CHCHD6: variants seen among roughly 807,000 people sequenced by gnomAD.
CHCHD6 encodes the protein coiled-coil-helix-coiled-coil-helix domain containing 6, also known as MICOS complex subunit MIC25.
CHCHD6 carries 28 observed loss-of-function variants against 32.3 expected under a neutral mutation model. The observed-to-expected ratio is 0.87, with a 90% CI of 0.64 to 1.19. CHCHD6 has a LOEUF of 1.19. CHCHD6 is among the 50% of genes most tolerant of loss of function. The probability of loss-of-function intolerance (pLI) is 0.00; values close to 1 mark genes in which losing one functional copy is unlikely to be tolerated. For synonymous variants in CHCHD6, 122 were observed against 117.5 expected, an observed-to-expected ratio of 1.04 and a Z score of -0.25; for missense variants, 333 against 307.0, an observed-to-expected ratio of 1.08 and a Z score of -0.63.
At chr3:126,876,424 G>T (rs540492849) in intron 5 of CHCHD6, among the ~76,000 whole-genome samples, 1 of 152,226 alleles carries the variant, frequency 6.6e-6, no homozygotes, top group Non-Finnish European at 1.5e-5. Context: ...TGGGAATTGT[G>T]TGTGAGTTAA....
chr3:126,759,106 G>C (rs892618609), intron 4 of CHCHD6, among the ~76,000 whole-genome samples: 1 of 152,176 alleles, frequency 6.6e-6, no homozygotes, highest in African/African-American at 2.4e-5. Flanking sequence ...TCTACCAGCA[G>C]CTCTTATCTC....
chr3:126,958,677 G>A (rs543978169), intron 7 of CHCHD6, among the ~76,000 whole-genome samples: 1 of 152,344 alleles, frequency 6.6e-6, no homozygotes, highest in African/African-American at 2.4e-5. Context: ...CCCAGAAGTA[G>A]CTCCACACAG....
intron 4 of CHCHD6, among the ~76,000 whole-genome samples, chr3:126,807,503 A>G (rs903766472): frequency 7.2e-5 from 11 of 152,208 alleles, no homozygotes; most frequent in Non-Finnish European, 1.3e-4. Flanking sequence ...AATAGAAAAT[A>G]TGAGAGAAAC....
At chr3:126,765,653 C>G (rs982968743) in intron 4 of CHCHD6, among the ~76,000 whole-genome samples, 7 of 152,238 alleles carry the variant, frequency 4.6e-5, no homozygotes, top group African/African-American at 1.4e-4. Flanking sequence ...GGAGAATGCA[C>G]TTGACTGCTG....
intron 2 of CHCHD6, 110 bp downstream of exon 2, chr3:126,727,296 G>T: frequency 1.5e-6 from 1 of 668,868 alleles, no homozygotes; most frequent in South Asian, 2.2e-5. Flanking sequence ...GCTTCTGGAT[G>T]ACGTTAAGCA....
At chr3:126,705,668 A>G (rs1221631556) in intron 1 of CHCHD6, among the ~76,000 whole-genome samples, 1 of 152,220 alleles carries the variant, frequency 6.6e-6, no homozygotes, top group Non-Finnish European at 1.5e-5. Context: ...AGGGACTAGG[A>G]TTAAATGAAA....
In CHCHD6 at chr3:126,946,144, T is replaced by C. The variant is rs1029683221; in HGVS notation, c.567-11272T>C. Among the ~76,000 whole-genome samples the C allele has an allele frequency of 4.6e-5, 7 of 152,174 alleles. No individual in the cohort carries two copies. The South Asian group carries it at 1.2e-3, about 27-fold the overall frequency. On this transcript the variant is annotated intron_variant, in intron 6 of 7. Coordinates refer to ENST00000290913, the MANE Select transcript of CHCHD6 (RefSeq NM_032343.3). ...CAAGGGGCTGCCATGGTGAGTCTCA[T>C]TGGCAGAAACAGCGCCAGAAAGCTC...
In CHCHD6 at chr3:126,704,350, C is replaced by A. The variant is rs150685996; in HGVS notation, c.38C>A (p.Ser13Tyr). Reference sequence around the variant, plus strand: ...GAGAGCAGCGAGGGCCGCAGGGTGTCCTTCGGAGTGGACGAGGAGGAGCGG... The same window carrying A: ...GAGAGCAGCGAGGGCCGCAGGGTGTACTTCGGAGTGGACGAGGAGGAGCGG... ...STESSEGRRVSFGVDEEERVR... is the reference protein window; with the variant it reads ...STESSEGRRVYFGVDEEERVR... The change falls in exon 1 of 8, where the codon TCC becomes TAC. Residue 13 changes from serine to tyrosine, a missense_variant. Physicochemically the swap from Ser to Tyr is moderately radical, Grantham distance 144. Coordinates refer to ENST00000290913, the MANE Select transcript of CHCHD6 (RefSeq NM_032343.3). The A allele has an allele frequency of 5.9e-5, 95 of 1,597,712 alleles. 1 individual carries two copies. The African/African-American group carries it at 1.1e-3, about 18-fold the overall frequency.
At chr3:126,711,034 A>C (rs1934725745) in intron 1 of CHCHD6, among the ~76,000 whole-genome samples, 1 of 152,126 alleles carries the variant, frequency 6.6e-6, no homozygotes, top group Non-Finnish European at 1.5e-5. Context: ...TTCCATCATT[A>C]AGTGTGTTAG....
rs535356763 is a variant in CHCHD6 at position 126,819,496 on chromosome 3, A to G, written c.412-33151A>G. Among the ~76,000 whole-genome samples the G allele has an allele frequency of 3.9e-5, 6 of 152,340 alleles. No homozygotes were observed. The South Asian group carries it at 1.0e-3, about 26-fold the overall frequency. On this transcript the variant is annotated intron_variant, in intron 4 of 7. Coordinates refer to ENST00000290913, the MANE Select transcript of CHCHD6 (RefSeq NM_032343.3). ...ATGAGGAGGCTATGCATGCAGCAGT[A>G]TGACAGTCCTGAGTGTCCTATCCCT...
At chr3:126,912,153 G>A (rs745401690) in intron 5 of CHCHD6, among the ~76,000 whole-genome samples, 1 of 152,160 alleles carries the variant, frequency 6.6e-6, no homozygotes, top group East Asian at 1.9e-4. Context: ...AAAGAACACC[G>A]CCAGCATATG....
intron 5 of CHCHD6, among the ~76,000 whole-genome samples, chr3:126,863,933 CCTT>C (rs1394514158): frequency 1.4e-5 from 2 of 145,546 alleles, no homozygotes; most frequent in South Asian, 2.2e-4. Context: ...GACACCTCCT[CCTT>C]CTCCACCATC....
intron 5 of CHCHD6, among the ~76,000 whole-genome samples, chr3:126,911,830 C>T (rs116112648): frequency 0.012 from 1,881 of 152,322 alleles, 19 homozygotes; most frequent in Middle Eastern, 0.048. Context: ...GCCAAGGATT[C>T]GCTCTCTGAG....
chr3:126,934,995 A>C (rs1044669461), intron 6 of CHCHD6: 1 of 283,854 alleles, frequency 3.5e-6, no homozygotes. Flanking sequence ...TCAATTCTGG[A>C]CGAGAAGACA....
At chr3:126,907,191 T>C (rs1241273838) in intron 5 of CHCHD6, among the ~76,000 whole-genome samples, 1 of 152,228 alleles carries the variant, frequency 6.6e-6, no homozygotes, top group East Asian at 1.9e-4. Flanking sequence ...TCAGTTGAGC[T>C]GACTTTGCAT....
intron 4 of CHCHD6, among the ~76,000 whole-genome samples, chr3:126,743,594 T>A (rs60257763): frequency 0.17 from 25,141 of 152,142 alleles, 2,214 homozygotes; most frequent in South Asian, 0.29. Context: ...CTGGAGAAAC[T>A]GTGCAGAAGT....
chr3:126,933,889 G>A (rs558598493), intron 6 of CHCHD6, among the ~76,000 whole-genome samples: 171 of 152,156 alleles, frequency 1.1e-3, no homozygotes, highest in Non-Finnish European at 2.1e-3. Flanking sequence ...ACTGATTGCA[G>A]CATCAAAATA....
intron 5 of CHCHD6, chr3:126,854,994 GA>G (rs1320418521): frequency 6.6e-6 from 1 of 152,216 alleles, no homozygotes; most frequent in Non-Finnish European, 1.5e-5. Flanking sequence ...CAAGGAGGAA[GA>G]GACTTATGGA....
intron 6 of CHCHD6, among the ~76,000 whole-genome samples, chr3:126,940,896 CCTT>C (rs1482543006): frequency 1.3e-5 from 2 of 151,882 alleles, no homozygotes; most frequent in Non-Finnish European, 2.9e-5. Flanking sequence ...CCATTTTTCT[CCTT>C]ATTATTCATT....
Sources: gnomAD v4.1 joint callset for allele counts (sites outside exome capture counted in the v4.1 genomes callset) on GRCh38, gnomAD v4.1.1 for gene constraint, MANE v1.5 for transcripts, NCBI Gene and HGNC (gene_info 2026-07-23, HGNC 2026-07-21) for gene names.